Variants in RNLS observed in about 807,000 individuals in gnomAD.
RNLS encodes the protein renalase, FAD dependent amine oxidase, also known as renalase.
In RNLS, 39 loss-of-function variants were observed where a neutral mutation model predicts 39.8. The ratio of observed to expected loss-of-function variants is 0.98; its 90% CI spans 0.76 to 1.28. The LOEUF (loss-of-function observed/expected upper bound fraction) is 1.28. RNLS is among the 50% of genes most tolerant of loss of function. The probability of loss-of-function intolerance (pLI) is 0.00; values close to 1 mark genes in which losing one functional copy is unlikely to be tolerated. For missense variants in RNLS, 410 were observed against 413.3 expected, an observed-to-expected ratio of 0.99 and a Z score of 0.07; for synonymous variants, 147 against 150.7, an observed-to-expected ratio of 0.98 and a Z score of 0.18.
At chr10:88,191,245 T>G in the RNLS span, among the ~76,000 whole-genome samples, 1 of 152,162 alleles carries the variant, frequency 6.6e-6, no homozygotes, top group Non-Finnish European at 1.5e-5. Flanking sequence ...ATGCGCATTG[T>G]ATAGGGTGTC....
At chr10:88,193,806 C>G in the RNLS span, among the ~76,000 whole-genome samples, 4 of 152,196 alleles carry the variant, frequency 2.6e-5, no homozygotes, top group East Asian at 7.7e-4. Context: ...TTATCTATGT[C>G]CCTGGCCACA....
chr10:88,202,126 T>G, the RNLS span, among the ~76,000 whole-genome samples: 1 of 151,928 alleles, frequency 6.6e-6, no homozygotes, highest in Non-Finnish European at 1.5e-5. Flanking sequence ...CCATAAAAAA[T>G]GATGAGTTCA....
At chr10:88,580,667 G>C (rs1247417962) in intron 3 of RNLS, among the ~76,000 whole-genome samples, 1 of 152,040 alleles carries the variant, frequency 6.6e-6, no homozygotes, top group Non-Finnish European at 1.5e-5. Context: ...AATCCTAATA[G>C]AAAATGGGCA....
intron 4 of RNLS, among the ~76,000 whole-genome samples, chr10:88,474,226 G>A (rs1294157942): frequency 1.3e-5 from 2 of 152,082 alleles, no homozygotes; most frequent in African/African-American, 4.8e-5. Flanking sequence ...AACCTTTAGA[G>A]CCAGACAGAT....
chr10:88,464,380 G>A (rs892121456), intron 4 of RNLS, among the ~76,000 whole-genome samples: 2 of 152,040 alleles, frequency 1.3e-5, no homozygotes, highest in African/African-American at 4.8e-5. Flanking sequence ...TAACAAAAGC[G>A]AATGATTCAG....
chr10:88,230,721 T>G, the RNLS span, among the ~76,000 whole-genome samples: 1 of 152,370 alleles, frequency 6.6e-6, no homozygotes, highest in African/African-American at 2.4e-5. Flanking sequence ...ACCTATTATT[T>G]GAGACATCTT....
intron 5 of RNLS, among the ~76,000 whole-genome samples, chr10:88,334,173 A>C (rs1363350523): frequency 6.6e-6 from 1 of 152,206 alleles, no homozygotes; most frequent in African/African-American, 2.4e-5. Context: ...TGGCCCTTCA[A>C]AATCACAATC....
intron 4 of RNLS, among the ~76,000 whole-genome samples, chr10:88,535,431 G>T (rs1234274765): frequency 6.6e-6 from 1 of 151,766 alleles, no homozygotes; most frequent in Non-Finnish European, 1.5e-5. Flanking sequence ...AAGCCAGGTA[G>T]TGGGGGAGGG....
the RNLS span, among the ~76,000 whole-genome samples, chr10:88,205,057 C>T: frequency 1.2e-4 from 19 of 152,124 alleles, no homozygotes; most frequent in South Asian, 4.2e-4. Context: ...TGAATTCTCA[C>T]GGCAACTCTC....
At chr10:88,485,761 G>A (rs1426281815) in intron 4 of RNLS, among the ~76,000 whole-genome samples, 2 of 151,428 alleles carry the variant, frequency 1.3e-5, no homozygotes, top group Non-Finnish European at 2.9e-5. Context: ...ATAACTGTGT[G>A]AGAATAACTT....
At chr10:88,505,736 G>GA (rs926902617) in intron 4 of RNLS, among the ~76,000 whole-genome samples, 6 of 151,932 alleles carry the variant, frequency 3.9e-5, no homozygotes, top group African/African-American at 1.4e-4. Flanking sequence ...TTACAAAGGA[G>GA]AAAAAATGAA....
chr10:88,249,612 G>C, the RNLS span, among the ~76,000 whole-genome samples: 2 of 152,102 alleles, frequency 1.3e-5, no homozygotes, highest in African/African-American at 4.8e-5. Flanking sequence ...CACATGTCTG[G>C]TGCCTGGGCT....
At chr10:88,328,975 G>T (rs939123431) in intron 5 of RNLS, among the ~76,000 whole-genome samples, 1 of 151,582 alleles carries the variant, frequency 6.6e-6, no homozygotes, top group Non-Finnish European at 1.5e-5. Context: ...AATTTTTCTT[G>T]GTATATAATA....
the RNLS span, among the ~76,000 whole-genome samples, chr10:88,199,037 C>A: frequency 6.6e-6 from 1 of 152,158 alleles, no homozygotes; most frequent in Non-Finnish European, 1.5e-5. Flanking sequence ...GAGCAAACAA[C>A]ACCTCGGAAA....
intron 5 of RNLS, among the ~76,000 whole-genome samples, chr10:88,323,553 G>A (rs1009604083): frequency 3.9e-5 from 6 of 152,128 alleles, no homozygotes; most frequent in Admixed American, 6.5e-5. Flanking sequence ...CTAGGGATAC[G>A]CAGTAGAATG....
At chr10:88,516,738 A>T (rs535388511) in intron 4 of RNLS, among the ~76,000 whole-genome samples, 6 of 152,124 alleles carry the variant, frequency 3.9e-5, no homozygotes, top group African/African-American at 1.4e-4. Context: ...ATTGCATTAT[A>T]AAAAAAGAAA....
chr10:88,558,095 G>A lies in RNLS; in HGVS notation c.526+14808C>T, dbSNP rs1848971555. Among the ~76,000 whole-genome samples the A allele has an allele frequency of 2.0e-5, 3 of 152,130 alleles. No individual in the cohort carries two copies. The South Asian group carries it at 6.2e-4, about 31-fold the overall frequency. On this transcript the variant is annotated intron_variant, in intron 4 of 6. Transcript: ENST00000331772. Reference sequence around the variant, plus strand: ...ACACATCTACTGACAGCATGTGTATGAGAACAAAACTATGAAAATATTTAC... The same window carrying A: ...ACACATCTACTGACAGCATGTGTATAAGAACAAAACTATGAAAATATTTAC...
At chr10:88,499,039 AATT>A (rs1482332861) in intron 4 of RNLS, among the ~76,000 whole-genome samples, 3 of 152,270 alleles carry the variant, frequency 2.0e-5, no homozygotes, top group East Asian at 3.9e-4. Context: ...GAAATTATGG[AATT>A]ATTATAATTT....
chr10:88,373,203 C>T (rs1321098258), intron 4 of RNLS, among the ~76,000 whole-genome samples: 1 of 152,106 alleles, frequency 6.6e-6, no homozygotes, highest in East Asian at 1.9e-4. Flanking sequence ...TATACCAAGG[C>T]AATGACTTGG....
Sources: gnomAD v4.1 joint callset for allele counts (sites outside exome capture counted in the v4.1 genomes callset) on GRCh38, gnomAD v4.1.1 for gene constraint, MANE v1.5 for transcripts, NCBI Gene and HGNC (gene_info 2026-07-23, HGNC 2026-07-21) for gene names.